HGF: variants seen among roughly 807,000 people sequenced by gnomAD.
HGF encodes fibroblast-derived tumor cytotoxic factor.
A neutral mutation model predicts 111.6 loss-of-function variants in HGF; 39 were observed. The observed-to-expected ratio is 0.35, with a 90% CI of 0.27 to 0.46. The LOEUF (loss-of-function observed/expected upper bound fraction) is 0.46. HGF is among the 20% of genes least tolerant of loss of function. The pLI, the probability that HGF is intolerant of heterozygous loss-of-function variation, is 1.00. For missense variants in HGF, 735 were observed against 910.5 expected (o/e 0.81, Z 2.48); for synonymous variants, 285 against 294.8 (o/e 0.97, Z 0.34).
intron 7 of HGF, among the ~76,000 whole-genome samples, chr7:81,730,321 G>A (rs1787604892): frequency 1.3e-5 from 2 of 152,092 alleles, no homozygotes; most frequent in African/African-American, 4.8e-5. Flanking sequence ...GAGTGGTGGT[G>A]GCAGGTGCCT....
intron 15 of HGF, among the ~76,000 whole-genome samples, 157 bp from the exon 16 acceptor site, chr7:81,705,910 G>A (rs1386644510): frequency 1.3e-5 from 2 of 148,704 alleles, no homozygotes; most frequent in Non-Finnish European, 3.0e-5. Flanking sequence ...CAAATGTAAT[G>A]ATGACATTTG....
intron 7 of HGF, among the ~76,000 whole-genome samples, chr7:81,740,529 A>G (rs1233523113): frequency 6.6e-6 from 1 of 152,196 alleles, no homozygotes; most frequent in Non-Finnish European, 1.5e-5. Flanking sequence ...TGCATATGTA[A>G]TTAAAGTCCC....
At position 81,711,565 on chromosome 7, in the gene HGF, A is replaced by G. The variant is rs368211627; in HGVS notation, c.1406-46T>C. ...ATAAATACACAATTCATATATGCAT[A>G]TATCTGTTATATAAAACCAAATATA... is the stretch of plus-strand genomic sequence containing the variant. On this transcript the variant is annotated intron_variant, in intron 11 of 17. Coordinates refer to ENST00000222390, the MANE Select transcript of HGF (RefSeq NM_000601.6). 76 of 792,206 alleles carry G rather than the reference A, an allele frequency of 9.6e-5. No homozygotes were observed. In the African/African-American group the frequency reaches 1.2e-3, roughly 13 times the overall value. The allele number at this position is 792,206 out of a possible 1,614,324, so 49.1% of individuals were successfully genotyped here.
At chr7:81,714,072 G>T (rs1282089600) in intron 11 of HGF, among the ~76,000 whole-genome samples, 2 of 149,898 alleles carry the variant, frequency 1.3e-5, no homozygotes, top group African/African-American at 4.9e-5. Context: ...AAAACATAAA[G>T]AAAACTTTCT....
At chr7:81,758,599 A>G in intron 3 of HGF, 93 bp downstream of exon 3, 1 of 791,004 alleles carries the variant, frequency 1.3e-6, no homozygotes, top group Non-Finnish European at 2.2e-6. Flanking sequence ...TAGTAGAAAA[A>G]TCAGTGAGAA....
At chr7:81,712,821 G>A (rs544861282) in intron 11 of HGF, among the ~76,000 whole-genome samples, 1 of 152,262 alleles carries the variant, frequency 6.6e-6, no homozygotes, top group South Asian at 2.1e-4. Context: ...TTATTTATGA[G>A]GATAGTTGTG....
chr7:81,729,531 A>G, intron 8 of HGF, 74 bp downstream of exon 8: 1 of 1,137,450 alleles, frequency 8.8e-7, no homozygotes, highest in Non-Finnish European at 1.3e-6. Context: ...ACACAAAATT[A>G]GTAAAAAGTA....
chr7:81,764,374 A>T (rs1789250671), intron 1 of HGF, among the ~76,000 whole-genome samples: 1 of 152,158 alleles, frequency 6.6e-6, no homozygotes, highest in African/African-American at 2.4e-5. Flanking sequence ...TCCTGCAATG[A>T]TGCTTTCATT....
intron 9 of HGF, among the ~76,000 whole-genome samples, chr7:81,723,801 TATAG>T (rs1016189871): frequency 1.5e-4 from 22 of 150,946 alleles, no homozygotes; most frequent in Admixed American, 4.6e-4. Context: ...CATATATATA[TATAG>T]ATAGATATAC....
intron 5 of HGF, chr7:81,751,523 G>C: frequency 1.0e-6 from 1 of 961,436 alleles, no homozygotes; most frequent in Non-Finnish European, 1.2e-6. Flanking sequence ...AAGACAGTTT[G>C]GTGGTCTCCA....
At chr7:81,769,196 G>A (rs1789510256) in intron 1 of HGF, among the ~76,000 whole-genome samples, 2 of 152,084 alleles carry the variant, frequency 1.3e-5, no homozygotes, top group South Asian at 4.1e-4. Context: ...GAACTTTCAA[G>A]CAACTCCTCC....
intron 4 of HGF, chr7:81,756,082 G>A (rs1024338860): frequency 1.4e-6 from 1 of 701,228 alleles, no homozygotes; most frequent in Non-Finnish European, 2.6e-6. Context: ...ACAAATCACA[G>A]CATGGGTTCT....
At chr7:81,712,093 T>A (rs1480395639) in intron 11 of HGF, among the ~76,000 whole-genome samples, 1 of 152,156 alleles carries the variant, frequency 6.6e-6, no homozygotes, top group African/African-American at 2.4e-5. Context: ...CTGTGGAGGC[T>A]CTCAGGTGTG....
intron 11 of HGF, among the ~76,000 whole-genome samples, chr7:81,712,320 A>C (rs1789593976): frequency 6.6e-6 from 1 of 152,182 alleles, no homozygotes; most frequent in Admixed American, 6.5e-5. Flanking sequence ...TATATGGTTA[A>C]AGATAATTGC....
chr7:81,766,526 G>C (rs940245607), intron 1 of HGF, among the ~76,000 whole-genome samples: 2 of 152,084 alleles, frequency 1.3e-5, no homozygotes, highest in African/African-American at 2.4e-5. Context: ...TTTAGAGAAG[G>C]CAACAATATC....
chr7:81,713,647 C>T (rs536613248), intron 11 of HGF, among the ~76,000 whole-genome samples: 203 of 152,120 alleles, frequency 1.3e-3, no homozygotes, highest in Middle Eastern at 3.4e-3. Context: ...TTAGCATAAA[C>T]TGAAATACGT....
intron 15 of HGF, among the ~76,000 whole-genome samples, 168 bp downstream of exon 15, chr7:81,706,117 CTA>C (rs1562871153): frequency 6.6e-6 from 1 of 151,894 alleles, no homozygotes; most frequent in African/African-American, 2.4e-5. Flanking sequence ...ACCTTTCTCT[CTA>C]TACTCACAGA....
At chr7:81,725,534 G>A (rs1789983164) in intron 9 of HGF, among the ~76,000 whole-genome samples, 1 of 152,146 alleles carries the variant, frequency 6.6e-6, no homozygotes, top group Non-Finnish European at 1.5e-5. Context: ...CTAACTCTGC[G>A]ACATTTTTCT....
intron 1 of HGF, among the ~76,000 whole-genome samples, chr7:81,769,395 A>T (rs1789519435): frequency 6.6e-6 from 1 of 152,212 alleles, no homozygotes; most frequent in Non-Finnish European, 1.5e-5. Flanking sequence ...CTGCCTCCTC[A>T]AAATGAAAAC....
Sources: gnomAD v4.1 joint callset for allele counts (sites outside exome capture counted in the v4.1 genomes callset) on GRCh38, gnomAD v4.1.1 for gene constraint, MANE v1.5 for transcripts, NCBI Gene and HGNC (gene_info 2026-07-23, HGNC 2026-07-21) for gene names.